The following MED13 variants were observed in gnomAD, a reference collection of about 807,000 sequenced individuals.
MED13 encodes the protein mediator of RNA polymerase II transcription subunit 13.
A neutral mutation model predicts 225.2 loss-of-function variants in MED13; 23 were observed. That is an observed-to-expected ratio of 0.10 (90% CI 0.07 to 0.14). MED13 has a LOEUF of 0.14. Among genes scored for constraint, MED13 ranks in the 10% least tolerant of loss-of-function variants. The pLI, the probability that MED13 is intolerant of heterozygous loss-of-function variation, is 1.00. For missense variants in MED13, 2,197 were observed against 2,594.5 expected (o/e 0.85, Z 3.33); for synonymous variants, 942 against 889.2 (o/e 1.06, Z -1.06).
chr17:62,001,879 C>G (rs868548548), intron 9 of MED13, among the ~76,000 whole-genome samples: 6 of 152,074 alleles, frequency 3.9e-5, no homozygotes, highest in African/African-American at 1.4e-4. Flanking sequence ...TTTAAAAATA[C>G]CTTTTAAGAA....
In MED13 at chr17:61,961,931, T is replaced by C. The variant is rs2080004505; in HGVS notation, c.5065-152A>G. On this transcript the variant is annotated intron_variant, in intron 21 of 29. Transcript: ENST00000397786. ...AACGATTGTTTTCTTATCTATTATG[T>C]AGGCTTTTAATAAGTAGCCAATTTT... is the stretch of plus-strand genomic sequence containing the variant. 3 of 774,204 alleles carry C rather than the reference T, an allele frequency of 3.9e-6. 1 individual carries two copies. Among genetic ancestry groups the C allele is most frequent in the Middle Eastern group, 7.5e-4 (2 of 2,676 alleles). The allele number at this position is 774,204 out of a possible 1,614,324, so 48.0% of individuals were successfully genotyped here. A position where few individuals can be genotyped will look rare whatever the true frequency, so the allele number is the denominator to read the frequency against.
At chr17:61,961,133 T>TA (rs1200126797) in intron 22 of MED13, 43 bp from the exon 23 acceptor site, 12 of 1,401,570 alleles carry the variant, frequency 8.6e-6, no homozygotes, top group East Asian at 2.4e-5. Context: ...TATACAATCT[T>TA]AGAGAAATAT....
chr17:61,981,982 A>T (rs887856513), intron 16 of MED13, among the ~76,000 whole-genome samples: 1 of 152,232 alleles, frequency 6.6e-6, no homozygotes, highest in African/African-American at 2.4e-5. Context: ...TTCCTACATA[A>T]GTATATAATT....
At chr17:61,971,204 ATC>A (rs2080105188) in intron 17 of MED13, among the ~76,000 whole-genome samples, 1 of 152,010 alleles carries the variant, frequency 6.6e-6, no homozygotes, top group African/African-American at 2.4e-5. Flanking sequence ...AAAAAAGATA[ATC>A]TCTATATGTG....
At chr17:61,994,568 T>C (rs1836585803) in intron 10 of MED13, among the ~76,000 whole-genome samples, 1 of 152,214 alleles carries the variant, frequency 6.6e-6, no homozygotes. Flanking sequence ...ATAGCCTACC[T>C]AAATGTCCTG....
intron 26 of MED13, among the ~76,000 whole-genome samples, chr17:61,955,035 T>A (rs761567195): frequency 2.6e-5 from 4 of 152,146 alleles, no homozygotes; most frequent in Non-Finnish European, 4.4e-5. Flanking sequence ...TTTTTCAGAG[T>A]CTAGAACTAT....
At chr17:62,056,232 G>C (rs1163141716) in intron 2 of MED13, among the ~76,000 whole-genome samples, 1 of 151,576 alleles carries the variant, frequency 6.6e-6, no homozygotes, top group Non-Finnish European at 1.5e-5. Context: ...TCTAATAACT[G>C]TAATAAAAGT....
intron 16 of MED13, among the ~76,000 whole-genome samples, chr17:61,980,847 A>C (rs2080197798): frequency 6.6e-6 from 1 of 150,846 alleles, no homozygotes; most frequent in Non-Finnish European, 1.5e-5. Context: ...GGTTCAAGCA[A>C]CTCCTCTGCC....
rs760320542 is a variant in MED13 at position 61,965,518 on chromosome 17, G to T, written c.4382-50C>A. 46 of 1,501,512 alleles carry T rather than the reference G, an allele frequency of 3.1e-5. 1 individual carries two copies. In the South Asian group the frequency reaches 3.5e-4, roughly 11 times the overall value. 93.0% of individuals were successfully genotyped at this position (1,501,512 alleles called of 1,614,324 possible). ...ATTTAATTCTTTATTTCACTGACTG[G>T]TTTTTTTAAATTCTACTGTGTAAAC... On this transcript the variant is annotated intron_variant, in intron 19 of 29. Transcript: ENST00000397786.
intron 28 of MED13, among the ~76,000 whole-genome samples, chr17:61,949,839 C>G (rs368350228): frequency 2.0e-5 from 3 of 152,070 alleles, no homozygotes; most frequent in Non-Finnish European, 4.4e-5. Context: ...CGTGCCACCA[C>G]GCCTGGCTAA....
chr17:62,020,693 T>G (rs1334562004), intron 8 of MED13, among the ~76,000 whole-genome samples: 1 of 123,646 alleles, frequency 8.1e-6, no homozygotes, highest in Admixed American at 8.0e-5. Flanking sequence ...TTCTTTTTTT[T>G]TTTTTTTTTT....
rs1838429345 is a variant in MED13, at chr17:61,984,274, G to A, written c.2785C>T (p.Pro929Ser). The stretch of plus-strand genomic sequence containing the variant: ...CACTCTTCTGGCAATTTGATAGGGG[G>A]CAGATATTGGCTTGGTAGAGTTTTT... ...PLKTLPSQYL[P>S]PIKLPEECIY... is the part of the protein sequence containing the mutation. The change falls in exon 15 of 30, where the codon CCC (proline) becomes TCC (serine). Residue 929 changes from proline (P) to serine (S), a missense_variant. Physicochemically the swap from Pro to Ser is moderately conservative, Grantham distance 74. This residue lies in a region of MED13 where 160 missense variants were observed against 184.8 expected (regional missense o/e 0.87). Transcript: ENST00000397786. The A allele has an allele frequency of 3.7e-6, 6 of 1,611,328 alleles. No individual in the cohort carries two copies. The highest frequency in any genetic ancestry group is 5.1e-6 in the Non-Finnish European group (6 of 1,179,022).
At chr17:61,960,116 C>G (rs560302776) in intron 23 of MED13, among the ~76,000 whole-genome samples, 2 of 152,116 alleles carry the variant, frequency 1.3e-5, no homozygotes, top group South Asian at 4.1e-4. Flanking sequence ...AAACATGTTT[C>G]AAGTCTCTAC....
rs1444650888 is a variant in MED13, at chr17:61,983,241, G to C, written c.2889-127C>G. 4 of 748,352 alleles carry C rather than the reference G, an allele frequency of 5.3e-6. No individual in the cohort carries two copies. In the South Asian group the frequency reaches 6.6e-5, roughly 12 times the overall value. 46.4% of individuals were successfully genotyped at this position (748,352 alleles called of 1,614,324 possible). A position where few individuals can be genotyped will look rare whatever the true frequency, so the allele number is the denominator to read the frequency against. On this transcript the variant is annotated intron_variant, in intron 15 of 29. Coordinates refer to ENST00000397786, the MANE Select transcript of MED13 (RefSeq NM_005121.3). Reference sequence around the variant, plus strand: ...AGAAAATTATGAAAGGACAAGTATTGCAAGAATTACAAGCACAGTCAATTC... The same window carrying C: ...AGAAAATTATGAAAGGACAAGTATTCCAAGAATTACAAGCACAGTCAATTC...
chr17:61,965,812 C>A (rs2080052860), intron 19 of MED13, among the ~76,000 whole-genome samples: 1 of 152,070 alleles, frequency 6.6e-6, no homozygotes, highest in African/African-American at 2.4e-5. Flanking sequence ...AATCACAAAT[C>A]AAATAAATAT....
intron 9 of MED13, among the ~76,000 whole-genome samples, chr17:61,998,595 CCTT>C (rs1280251159): frequency 1.4e-5 from 2 of 139,962 alleles, no homozygotes; most frequent in Non-Finnish European, 3.0e-5. Flanking sequence ...CTTCCCACCG[CCTT>C]TTTTTTTTTT....
chr17:62,016,132 T>TA (rs1374910121), intron 8 of MED13, among the ~76,000 whole-genome samples: 1 of 141,914 alleles, frequency 7.0e-6, no homozygotes, highest in Non-Finnish European at 1.5e-5. Flanking sequence ...TTTTTTTTTT[T>TA]AAACACAGAA....
intron 8 of MED13, among the ~76,000 whole-genome samples, chr17:62,025,135 C>G (rs904142239): frequency 6.6e-6 from 1 of 152,152 alleles, no homozygotes; most frequent in African/African-American, 2.4e-5. Flanking sequence ...CAGGGATTAG[C>G]AAACTTTTTC....
chr17:61,953,752 G>A (rs995908487), intron 26 of MED13, among the ~76,000 whole-genome samples: 1 of 152,208 alleles, frequency 6.6e-6, no homozygotes, highest in East Asian at 1.9e-4. Context: ...TACTTTGTTA[G>A]AGCAGCAATA....
Sources: gnomAD v4.1 joint callset for allele counts (sites outside exome capture counted in the v4.1 genomes callset) on GRCh38, gnomAD v4.1.1 for gene constraint, gnomAD v4.1.1 regional missense constraint, MANE v1.5 for transcripts, NCBI Gene and HGNC (gene_info 2026-07-23, HGNC 2026-07-21) for gene names.